The following ADORA2B variants were observed in gnomAD, a reference collection of about 807,000 sequenced individuals.
ADORA2B encodes adenosine receptor A2b.
Under a neutral mutation model 20.8 loss-of-function variants are expected in ADORA2B, and 18 were observed. The observed-to-expected ratio is 0.87, with a 90% CI of 0.60 to 1.29. The LOEUF is 1.29. ADORA2B is among the 50% of genes most tolerant of loss of function. ADORA2B has a pLI of 0.00. For missense variants in ADORA2B, 441 were observed against 422.7 expected, an observed-to-expected ratio of 1.04 and a Z score of -0.38; for synonymous variants, 179 against 178.3, an observed-to-expected ratio of 1.00 and a Z score of -0.03.
At chr17:15,865,178 C>T in the ADORA2B span, among the ~76,000 whole-genome samples, 1 of 151,986 alleles carries the variant, frequency 6.6e-6, no homozygotes, top group Non-Finnish European at 1.5e-5. Context: ...GGAATTAATA[C>T]CTGGTATAAG....
At chr17:15,865,962 A>G in the ADORA2B span, among the ~76,000 whole-genome samples, 1 of 148,230 alleles carries the variant, frequency 6.7e-6, no homozygotes, top group Admixed American at 6.7e-5. Context: ...TGAATCAGTG[A>G]GATTTATTCA....
At chr17:15,948,269 G>A (rs1451985827) in intron 1 of ADORA2B, among the ~76,000 whole-genome samples, 5 of 10,650 alleles carry the variant, frequency 4.7e-4, no homozygotes, top group Non-Finnish European at 3.3e-3. Context: ...GAGGGGAGCC[G>A]GAGGGAATGC....
the ADORA2B span, among the ~76,000 whole-genome samples, chr17:15,859,191 AC>A: frequency 6.6e-6 from 1 of 151,990 alleles, no homozygotes; most frequent in African/African-American, 2.4e-5. Flanking sequence ...TGAAGTAAAT[AC>A]CTCATTGACA....
the ADORA2B span, among the ~76,000 whole-genome samples, chr17:15,872,711 T>C: frequency 1.2e-3 from 187 of 152,194 alleles, no homozygotes; most frequent in Non-Finnish European, 2.4e-3. Context: ...GCTTCGTCGT[T>C]GTTGGTGTAT....
At chr17:15,952,193 C>T (rs941305130) in intron 1 of ADORA2B, among the ~76,000 whole-genome samples, 1 of 152,170 alleles carries the variant, frequency 6.6e-6, no homozygotes, top group Non-Finnish European at 1.5e-5. Flanking sequence ...TCTCACTCTT[C>T]TCATTTGTCA....
chr17:15,920,768 A>C, the ADORA2B span, among the ~76,000 whole-genome samples: 2 of 151,996 alleles, frequency 1.3e-5, no homozygotes, highest in East Asian at 3.8e-4. Flanking sequence ...AAATTTTCAC[A>C]TAAAAATGAC....
chr17:15,899,496 A>T, the ADORA2B span, among the ~76,000 whole-genome samples: 4 of 152,150 alleles, frequency 2.6e-5, no homozygotes, highest in African/African-American at 9.7e-5. Context: ...GGTTTGTTAC[A>T]TGGGTATATG....
At chr17:15,868,336 C>T in the ADORA2B span, among the ~76,000 whole-genome samples, 1 of 135,290 alleles carries the variant, frequency 7.4e-6, no homozygotes, top group East Asian at 2.1e-4. Flanking sequence ...CTGCCAAATC[C>T]CCCTCTGCGA....
the ADORA2B span, among the ~76,000 whole-genome samples, chr17:15,871,213 A>C: frequency 1.3e-5 from 2 of 152,204 alleles, no homozygotes; most frequent in East Asian, 3.8e-4. Flanking sequence ...AATATCAAAC[A>C]GTGTAGAGAC....
chr17:15,898,562 T>C, the ADORA2B span, among the ~76,000 whole-genome samples: 6 of 150,464 alleles, frequency 4.0e-5, no homozygotes, highest in African/African-American at 1.5e-4. Flanking sequence ...GGAGATGGGG[T>C]TTCACCATGT....
intron 1 of ADORA2B, among the ~76,000 whole-genome samples, chr17:15,964,035 G>T (rs1970070517): frequency 6.6e-6 from 1 of 152,194 alleles, no homozygotes; most frequent in Non-Finnish European, 1.5e-5. Context: ...GTAACCTTTG[G>T]TGACCACACC....
chr17:15,925,157 T>C, the ADORA2B span, among the ~76,000 whole-genome samples: 1 of 152,182 alleles, frequency 6.6e-6, no homozygotes, highest in South Asian at 2.1e-4. Context: ...TGCCTCAGCC[T>C]CCCGAGTAGC....
At chr17:15,936,874 G>GGAGC in the ADORA2B span, among the ~76,000 whole-genome samples, 3 of 152,130 alleles carry the variant, frequency 2.0e-5, no homozygotes, top group Non-Finnish European at 4.4e-5. Context: ...AAGGATCACT[G>GGAGC]GAGCCCAGGA....
At chr17:15,876,570 AC>A in the ADORA2B span, among the ~76,000 whole-genome samples, 5 of 137,772 alleles carry the variant, frequency 3.6e-5, no homozygotes, top group African/African-American at 1.3e-4. Flanking sequence ...TTTTTCTGGA[AC>A]TCCCTTTACC....
At chr17:15,900,407 C>T in the ADORA2B span, among the ~76,000 whole-genome samples, 3 of 152,090 alleles carry the variant, frequency 2.0e-5, no homozygotes, top group African/African-American at 7.2e-5. Context: ...TCTCCTCAAC[C>T]TCACCAGCAT....
chr17:15,865,939 T>A, the ADORA2B span, among the ~76,000 whole-genome samples: 1 of 150,006 alleles, frequency 6.7e-6, no homozygotes, highest in Admixed American at 6.6e-5. Context: ...GGGAGCTTTT[T>A]TTTACACAGT....
At chr17:15,854,834 T>C in the ADORA2B span, among the ~76,000 whole-genome samples, 1 of 152,272 alleles carries the variant, frequency 6.6e-6, no homozygotes, top group Non-Finnish European at 1.5e-5. Context: ...AGAGAATCGA[T>C]CAAATAAATT....
chr17:15,881,229 G>C, the ADORA2B span, among the ~76,000 whole-genome samples: 2 of 152,124 alleles, frequency 1.3e-5, no homozygotes, highest in Non-Finnish European at 2.9e-5. Flanking sequence ...AGCCTCCCTA[G>C]TAGCTGGGAC....
At chr17:15,915,932 A>C in the ADORA2B span, among the ~76,000 whole-genome samples, 1 of 152,170 alleles carries the variant, frequency 6.6e-6, no homozygotes, top group Admixed American at 6.5e-5. Context: ...GGCCCAGTGA[A>C]GTTGACACAT....
Sources: gnomAD v4.1 joint callset for allele counts (sites outside exome capture counted in the v4.1 genomes callset) on GRCh38, gnomAD v4.1.1 for gene constraint, MANE v1.5 for transcripts, NCBI Gene and HGNC (gene_info 2026-07-23, HGNC 2026-07-21) for gene names.